Variants in ABCA9 observed in about 807,000 individuals in gnomAD.
ABCA9 encodes ATP binding cassette subfamily A member 9.
A neutral mutation model predicts 205.3 loss-of-function variants in ABCA9; 183 were observed. The ratio of observed to expected loss-of-function variants is 0.89; its 90% CI spans 0.79 to 1.01. The LOEUF (loss-of-function observed/expected upper bound fraction) is 1.01. Ranked by LOEUF, ABCA9 falls within the 50% of genes least tolerant of loss-of-function variation. ABCA9 has a pLI of 0.00. For missense variants in ABCA9, 1,805 were observed against 1,912.4 expected (o/e 0.94, Z 1.05); for synonymous variants, 651 against 683.3 (o/e 0.95, Z 0.74).
intron 16 of ABCA9, among the ~76,000 whole-genome samples, chr17:69,025,895 T>G (rs549209058): frequency 6.6e-6 from 1 of 152,110 alleles, no homozygotes; most frequent in Middle Eastern, 3.2e-3. Flanking sequence ...ATATTCTATA[T>G]GTAAATATCT....
intron 1 of ABCA9, among the ~76,000 whole-genome samples, chr17:69,055,779 T>C (rs1305650812): frequency 6.6e-6 from 1 of 151,976 alleles, no homozygotes; most frequent in Non-Finnish European, 1.5e-5. Context: ...AAACACACCT[T>C]AGAAAATTTA....
chr17:69,009,862 TG>T (rs781550483), intron 23 of ABCA9, among the ~76,000 whole-genome samples: 2 of 152,148 alleles, frequency 1.3e-5, no homozygotes, highest in Non-Finnish European at 2.9e-5. Flanking sequence ...ATTGACATCG[TG>T]GGGTTGCCAG....
chr17:69,019,049 A>G (rs973597974), intron 19 of ABCA9, among the ~76,000 whole-genome samples: 1 of 152,022 alleles, frequency 6.6e-6, no homozygotes, highest in South Asian at 2.1e-4. Flanking sequence ...CTCTCCCTTA[A>G]GTTTATTTTC....
intron 37 of ABCA9, 151 bp from the exon 38 acceptor site, chr17:68,976,341 A>G (rs2068892473): frequency 7.5e-6 from 5 of 662,314 alleles, no homozygotes; most frequent in Non-Finnish European, 1.0e-5. Context: ...CAAACGCGAT[A>G]TAGTCATATA....
intron 27 of ABCA9, chr17:68,992,549 C>T (rs1277812215): frequency 2.9e-5 from 7 of 242,228 alleles, no homozygotes; most frequent in Admixed American, 5.2e-5. Flanking sequence ...AGCGTTGGCT[C>T]ACGCCTGTAA....
chr17:69,066,128 G>A, the ABCA9 span, among the ~76,000 whole-genome samples: 5 of 152,158 alleles, frequency 3.3e-5, no homozygotes, highest in Non-Finnish European at 7.3e-5. Context: ...CATTGCATAT[G>A]GGTTCCATGC....
chr17:69,008,133 G>A lies in ABCA9; in HGVS notation c.3250C>T (p.Leu1084=). Residue 1084 remains leucine, a synonymous_variant, in exon 24 of 39, where the codon CTA becomes TTA. Transcript: ENST00000340001. ...AAAATATAATCCATTATTTGCATTA[G>A]CAGGAGGATCAAAAAGTACAGGGAA... ...DVSLYFLILL[L]MQIMDYIFSP... The A allele has an allele frequency of 6.2e-7, 1 of 1,612,688 alleles. No homozygotes were observed. Among genetic ancestry groups the A allele is most frequent in the Non-Finnish European group, 8.5e-7 (1 of 1,178,748 alleles).
intron 22 of ABCA9, among the ~76,000 whole-genome samples, chr17:69,014,849 G>A (rs2070523218): frequency 6.6e-6 from 1 of 152,140 alleles, no homozygotes; most frequent in African/African-American, 2.4e-5. Flanking sequence ...GAGAAAGTTT[G>A]ACAGTATGGA....
At chr17:68,993,201 C>A in intron 26 of ABCA9, 117 bp from the exon 27 acceptor site, 1 of 775,948 alleles carries the variant, frequency 1.3e-6, no homozygotes, top group Non-Finnish European at 2.1e-6. Context: ...CGACCTGATG[C>A]TCCCTTGGGT....
At chr17:69,069,328 G>A in the ABCA9 span, among the ~76,000 whole-genome samples, 185 of 152,304 alleles carry the variant, frequency 1.2e-3, no homozygotes, top group Non-Finnish European at 2.3e-3. Context: ...ATGAATTGCT[G>A]GAGGTTGAGT....
chr17:69,002,003 T>C (rs1458060646), intron 25 of ABCA9, among the ~76,000 whole-genome samples: 193 of 149,020 alleles, frequency 1.3e-3, no homozygotes, highest in African/African-American at 4.8e-3. Context: ...TTGATTCTTC[T>C]CTCTTTTTTT....
chr17:69,016,522 C>G (rs912955656), intron 21 of ABCA9, 132 bp from the exon 22 acceptor site: 49 of 752,160 alleles, frequency 6.5e-5, no homozygotes, highest in Non-Finnish European at 8.1e-5. Context: ...ATTAATATCA[C>G]TATCACTCAT....
At chr17:68,988,933 CTAAG>C in intron 31 of ABCA9, 90 bp downstream of exon 31, 1 of 747,518 alleles carries the variant, frequency 1.3e-6, no homozygotes, top group Non-Finnish European at 2.3e-6. Flanking sequence ...ATAAATCACA[CTAAG>C]TGATTATGGA....
At chr17:68,977,242 T>A (rs527327701) in intron 37 of ABCA9, among the ~76,000 whole-genome samples, 2 of 151,750 alleles carry the variant, frequency 1.3e-5, no homozygotes, top group Non-Finnish European at 2.9e-5. Context: ...AAAAGCAGGA[T>A]GCATCACCCA....
the ABCA9 span, among the ~76,000 whole-genome samples, chr17:69,069,670 T>C: frequency 1.3e-5 from 2 of 151,682 alleles, no homozygotes; most frequent in Non-Finnish European, 2.9e-5. Context: ...TACGACAGCG[T>C]TGAAATAGTT....
chr17:69,029,766 TGTAGA>T (rs1449611745), intron 10 of ABCA9, among the ~76,000 whole-genome samples: 1 of 152,150 alleles, frequency 6.6e-6, no homozygotes, highest in Non-Finnish European at 1.5e-5. Context: ...AGAGTTGGAA[TGTAGA>T]GTAAATAAGA....
chr17:69,057,169 TA>T, intron 1 of ABCA9, among the ~76,000 whole-genome samples: 1 of 152,314 alleles, frequency 6.6e-6, no homozygotes, highest in South Asian at 2.1e-4. Context: ...CATATGTGGA[TA>T]GGTGGGAGGT....
In ABCA9 at chr17:69,026,644, A is replaced by G. The variant is rs138859371; in HGVS notation, c.2051-177T>C. Among the ~76,000 whole-genome samples the G allele has an allele frequency of 3.5e-3, 529 of 152,346 alleles. 2 individuals carry two copies. The highest frequency in any genetic ancestry group is 0.011 in the African/African-American group (467 of 41,584). On this transcript the variant is annotated intron_variant, in intron 15 of 38. Transcript: ENST00000340001. ...TCATCCAACAGCTCGAATGAGTGATAAATTATGTCAACTTATTCTTTAGCG... is the reference window on the plus strand; with the variant it reads ...TCATCCAACAGCTCGAATGAGTGATGAATTATGTCAACTTATTCTTTAGCG...
chr17:69,049,162 G>A (rs564574443), intron 3 of ABCA9, 121 bp downstream of exon 3: 64 of 1,115,898 alleles, frequency 5.7e-5, no homozygotes, highest in East Asian at 4.9e-4. Context: ...AGGAATATAC[G>A]TTAATGTTGT....
Sources: allele counts gnomAD v4.1 joint callset (sites outside exome capture counted in the v4.1 genomes callset), GRCh38; gene constraint gnomAD v4.1.1; transcripts MANE v1.5; gene names NCBI Gene and HGNC (gene_info 2026-07-23, HGNC 2026-07-21).